Variants in DPH7 observed in about 807,000 individuals in gnomAD.
DPH7 encodes the protein diphthamide biosynthesis 7.
In DPH7, 44 loss-of-function variants were observed where a neutral mutation model predicts 41.7. The observed-to-expected ratio is 1.05, with a 90% CI of 0.83 to 1.36. The LOEUF (loss-of-function observed/expected upper bound fraction) is 1.36, where lower values mean the gene tolerates loss of function less well. DPH7 is among the 40% of genes most tolerant of loss of function. DPH7 has a pLI of 0.00. For missense variants in DPH7, 629 were observed against 577.5 expected, an observed-to-expected ratio of 1.09 and a Z score of -0.91; for synonymous variants, 275 against 238.0, an observed-to-expected ratio of 1.16 and a Z score of -1.43.
intron 1 of DPH7, chr9:137,577,883 T>TA (rs1268300832): frequency 7.0e-6 from 6 of 854,814 alleles, no homozygotes; most frequent in African/African-American, 3.7e-5. Flanking sequence ...AGTCCTGACT[T>TA]ACGCCTGTTG....
In DPH7 at chr9:137,556,610, C is replaced by G. The variant is rs57000700; in HGVS notation, c.950-962G>C. On this transcript the variant is annotated intron_variant, in intron 8 of 8. Coordinates refer to ENST00000277540, the MANE Select transcript of DPH7 (RefSeq NM_138778.5). The surrounding 1 kb of genome is among the most constrained non-coding windows in gnomAD (Gnocchi z 5.2). ...GGCTTCAACTGGGCAGAGGTGGCTC[C>G]GAGGAGGAGTGAGATGCTGAATGTT... The G allele has an allele frequency of 2.9e-6, 1 of 342,198 alleles. No homozygotes were observed. Among genetic ancestry groups the G allele is most frequent in the Non-Finnish European group, 5.8e-6 (1 of 172,766 alleles). 21.2% of individuals were successfully genotyped at this position (342,198 alleles called of 1,614,324 possible).
At chr9:137,573,097 C>G (rs966461257) in intron 5 of DPH7, among the ~76,000 whole-genome samples, 8 of 152,232 alleles carry the variant, frequency 5.3e-5, no homozygotes, top group African/African-American at 1.7e-4. Context: ...CAAGGTGGCT[C>G]ACGCCTGTAA....
chr9:137,564,406 G>A (rs1291803620), intron 8 of DPH7, 28 bp downstream of exon 8: 1 of 1,598,124 alleles, frequency 6.3e-7, no homozygotes. Flanking sequence ...CCTGCCCTGA[G>A]GCCCAGCAGC....
Position 137,577,458 on chromosome 9 carries a change from TCA to T in DPH7, c.287+10_287+11del, listed in dbSNP as rs770714491. ...ACAAATTCTACACCCAGTGGGATTA[TCA>T]CAGTTATACCATTTCATGTCCAGGA... On this transcript the variant is annotated intron_variant, in intron 2 of 8. Coordinates refer to ENST00000277540, the MANE Select transcript of DPH7 (RefSeq NM_138778.5). 18 of 1,611,934 alleles carry T rather than the reference TCA, an allele frequency of 1.1e-5. No individual in the cohort carries two copies. In the African/African-American group the frequency reaches 2.0e-4, roughly 18 times the overall value.
In DPH7 at chr9:137,578,849, G is replaced by C. The variant is rs902684943; in HGVS notation, c.-72C>G. On this transcript the variant is annotated 5_prime_UTR_variant, in exon 1 of 9. Transcript: ENST00000277540. ...CGGGGCCGGGCTGGGTACTGCGCGG[G>C]GCGGCGAGGCCGGGGCCGGCCGGAC... 13 of 1,322,518 alleles carry C rather than the reference G, an allele frequency of 9.8e-6. No homozygotes were observed. The African/African-American group carries it at 1.7e-4, about 17-fold the overall frequency. 81.9% of individuals were successfully genotyped at this position (1,322,518 alleles called of 1,614,324 possible). A position where few individuals can be genotyped will look rare whatever the true frequency, so the allele number is the denominator to read the frequency against.
At chr9:137,558,338 A>G (rs1837884292) in intron 8 of DPH7, among the ~76,000 whole-genome samples, 1 of 152,180 alleles carries the variant, frequency 6.6e-6, no homozygotes, top group African/African-American at 2.4e-5. Flanking sequence ...TCCGGGCTGC[A>G]GTGAGCTCTG....
chr9:137,564,714 C>T, intron 7 of DPH7, 108 bp from the exon 8 acceptor site: 4 of 1,492,184 alleles, frequency 2.7e-6, no homozygotes, highest in Non-Finnish European at 3.7e-6. Context: ...CCCATGCATC[C>T]CTCGAGGACA....
intron 8 of DPH7, among the ~76,000 whole-genome samples, chr9:137,558,662 AGGGATGTTT>A (rs1837948730): frequency 6.6e-6 from 1 of 152,144 alleles, no homozygotes. Context: ...AGGCTGGGGG[AGGGATGTTT>A]GGGGTGATAG....
chr9:137,575,383 G>A (rs1588935686), intron 3 of DPH7: 1 of 988,026 alleles, frequency 1.0e-6, no homozygotes, highest in Non-Finnish European at 1.2e-6. Flanking sequence ...CTCCCAGCAG[G>A]CTGCTGTACC....
At position 137,555,051 on chromosome 9, in the gene DPH7, A is replaced by G. The variant is rs935743005; in HGVS notation, c.*188T>C. 2.2e-5 allele frequency: 14 copies of G among 630,610 alleles called. No individual in the cohort carries two copies. The highest frequency in any genetic ancestry group is 3.7e-5 in the African/African-American group (2 of 53,348). The allele number at this position is 630,610 out of a possible 1,614,324, so 39.1% of individuals were successfully genotyped here. ...TCTGCCAGACAGAATCACCCAGTCC[A>G]CTTTCAGGGGCCCAGCAGGGAAGCT... On this transcript the variant is annotated 3_prime_UTR_variant, in exon 9 of 9. Coordinates refer to ENST00000277540, the MANE Select transcript of DPH7 (RefSeq NM_138778.5).
chr9:137,569,324 A>T (rs922468456), intron 5 of DPH7, among the ~76,000 whole-genome samples: 1 of 17,974 alleles, frequency 5.6e-5, no homozygotes, highest in African/African-American at 2.3e-4. Context: ...CCCACCCCCC[A>T]CCCACCTTCC....
chr9:137,558,953 G>A (rs1444994759), intron 8 of DPH7, among the ~76,000 whole-genome samples: 1 of 152,142 alleles, frequency 6.6e-6, no homozygotes, highest in Non-Finnish European at 1.5e-5. Flanking sequence ...ACTGCGCCCG[G>A]CCTTGAATGT....
chr9:137,555,208 C>T lies in DPH7; in HGVS notation c.*31G>A, dbSNP rs1837243692. Reference sequence around the variant, plus strand: ...TCACTCGCAGTCTCCCTCCTGGTTTCCTTGTGGGAAGGGGCTTCATGATTT... The same window carrying T: ...TCACTCGCAGTCTCCCTCCTGGTTTTCTTGTGGGAAGGGGCTTCATGATTT... On this transcript the variant is annotated 3_prime_UTR_variant, in exon 9 of 9. Coordinates refer to ENST00000277540, the MANE Select transcript of DPH7 (RefSeq NM_138778.5). 1 of 1,558,626 alleles carries T rather than the reference C, an allele frequency of 6.4e-7. No homozygotes were observed. Among genetic ancestry groups the T allele is most frequent in the Non-Finnish European group, 8.7e-7 (1 of 1,150,544 alleles).
intron 5 of DPH7, among the ~76,000 whole-genome samples, chr9:137,568,323 G>C (rs1839793519): frequency 5.3e-5 from 1 of 18,714 alleles, no homozygotes; most frequent in Non-Finnish European, 1.0e-4. Context: ...GTGACTGTCT[G>C]TGAGGAAGCT....
chr9:137,564,285 C>A, intron 8 of DPH7, 149 bp downstream of exon 8: 1 of 972,854 alleles, frequency 1.0e-6, no homozygotes, highest in Non-Finnish European at 1.5e-6. Flanking sequence ...ACGACCAAGT[C>A]TAGGGCGCGA....
intron 5 of DPH7, among the ~76,000 whole-genome samples, chr9:137,573,018 A>C (rs1397187342): frequency 2.6e-5 from 4 of 152,162 alleles, no homozygotes; most frequent in Non-Finnish European, 4.4e-5. Context: ...ACCCTGGCCA[A>C]CACCACCCAA....
chr9:137,564,915 C>A lies in DPH7; in HGVS notation c.754G>T (p.Glu252Ter). 1 of 1,596,702 alleles carries A rather than the reference C, an allele frequency of 6.3e-7. No homozygotes were observed. The highest frequency in any genetic ancestry group is 1.1e-5 in the South Asian group (1 of 88,942). ...CACCTTCCCGTGGCCAGGATGTGCTCCCGATGAGGGCTGCTCTGGATGCTG... is the reference window on the plus strand; with the variant it reads ...CACCTTCCCGTGGCCAGGATGTGCTACCGATGAGGGCTGCTCTGGATGCTG... ...VCSIQSSPHREHILATGSYDE... is the reference protein window; with the variant it reads ...VCSIQSSPHR Residue 252 changes from glutamate to a stop codon, truncating the protein, a stop_gained, in exon 7 of 9, where the codon GAG (glutamate) becomes TAG (stop). Transcript: ENST00000277540. LOFTEE classifies it high-confidence loss of function.
chr9:137,562,080 GGT>G, intron 8 of DPH7, among the ~76,000 whole-genome samples: 1 of 152,168 alleles, frequency 6.6e-6, no homozygotes. Flanking sequence ...TAGCCAGGAT[GGT>G]CTCGATCTCC....
At chr9:137,564,357 G>A (rs1212762973) in intron 8 of DPH7, 77 bp downstream of exon 8, 12 of 1,521,668 alleles carry the variant, frequency 7.9e-6, no homozygotes, top group African/African-American at 2.8e-5. Context: ...GGGAGCTGAG[G>A]GAAGAGCCCA....
Sources: gnomAD v4.1 joint callset for allele counts (sites outside exome capture counted in the v4.1 genomes callset) on GRCh38, gnomAD v4.1.1 for gene constraint, Gnocchi (gnomAD v3.1) non-coding constraint, MANE v1.5 for transcripts, NCBI Gene and HGNC (gene_info 2026-07-23, HGNC 2026-07-21) for gene names.